The following CFAP65 variants were observed in gnomAD, a reference collection of about 807,000 sequenced individuals.
CFAP65 encodes the protein cilia and flagella associated protein 65.
A neutral mutation model predicts 208.0 loss-of-function variants in CFAP65; 155 were observed. That is an observed-to-expected ratio of 0.75 (90% CI 0.65 to 0.85). The LOEUF is 0.85. Among genes scored for constraint, CFAP65 ranks in the 40% least tolerant of loss-of-function variants. The probability of loss-of-function intolerance (pLI) is 0.00; values close to 1 mark genes in which losing one functional copy is unlikely to be tolerated. For missense variants in CFAP65, 2,294 were observed against 2,451.3 expected, an observed-to-expected ratio of 0.94 and a Z score of 1.36; for synonymous variants, 970 against 986.3, an observed-to-expected ratio of 0.98 and a Z score of 0.31.
rs1338664593 is a variant in CFAP65, at chr2:219,028,324, G to A, written c.1728C>T (p.Leu576=). Residue 576 remains leucine (L), a synonymous_variant, in exon 12 of 35, where the codon CTC becomes CTT. Transcript: ENST00000341552. ...GGGCCAGGTGTGTGCGGTACCAGGT[G>A]AGGTGCTGAGGCTTCAGGATGGCTG... ...TKPAILKPQH[L]TWYRTHLARG... 10 of 1,613,990 alleles carry A rather than the reference G, an allele frequency of 6.2e-6. No homozygotes were observed. Among genetic ancestry groups the A allele is most frequent in the Non-Finnish European group, 8.5e-6 (10 of 1,180,016 alleles).
Position 219,003,902 on chromosome 2 carries a change from C to G in CFAP65, c.5555+50G>C. ...TTGGCATCCCACTGCCTCCTAGGAA[C>G]CTTCTGCACTTCGCCTCCCTCCCGT... is the stretch of plus-strand genomic sequence containing the variant. On this transcript the variant is annotated intron_variant, in intron 33 of 34. Transcript: ENST00000341552. This position sits in a 1 kb window ranked among gnomAD's most constrained non-coding sequence, Gnocchi z 4.4. 6.4e-7 allele frequency: 1 copy of G among 1,568,536 alleles called. No homozygotes were observed. The highest frequency in any genetic ancestry group is 8.7e-7 in the Non-Finnish European group (1 of 1,155,232).
intron 4 of CFAP65, among the ~76,000 whole-genome samples, chr2:219,037,761 A>G (rs1028417096): frequency 1.3e-5 from 2 of 152,186 alleles, no homozygotes; most frequent in African/African-American, 2.4e-5. Flanking sequence ...CATGACCCTC[A>G]GTCCACAGGG....
chr2:219,039,400 C>A (rs1028739386), intron 2 of CFAP65, among the ~76,000 whole-genome samples: 25 of 152,192 alleles, frequency 1.6e-4, no homozygotes, highest in African/African-American at 5.5e-4. Context: ...CAGCAATTTT[C>A]ACACTCACAC....
intron 14 of CFAP65, 55 bp downstream of exon 14, chr2:219,025,967 G>A: frequency 6.5e-7 from 1 of 1,550,290 alleles, no homozygotes; most frequent in Non-Finnish European, 8.7e-7. Flanking sequence ...TGCAGGCCAA[G>A]GCAGAAGCTA....
chr2:219,031,135 T>C lies in CFAP65; in HGVS notation c.986A>G (p.Gln329Arg), dbSNP rs144666250. 5 of 1,600,248 alleles carry C rather than the reference T, an allele frequency of 3.1e-6. No homozygotes were observed. In the African/African-American group the frequency reaches 5.3e-5, roughly 17 times the overall value. The change falls in exon 8 of 35, where the codon CAG (glutamine) becomes CGG (arginine). Residue 329 changes from glutamine (Q) to arginine (R), a missense_variant. Gln to Arg is a conservative substitution (Grantham distance 43). Transcript: ENST00000341552. The surrounding 1 kb of genome is among the most constrained non-coding windows in gnomAD (Gnocchi z 5.2). ...ATCWYGAGSR[Q>R]RSSIQLQAVA... ...AGCCTGCAGCTGGATGCTGCTCCTC[T>C]GCCGGCTGCCCGCCCCGTACCAGCA...
In CFAP65 at chr2:219,016,289, C is replaced by CTTTT. The variant is rs5838714; in HGVS notation, c.3603-2249_3603-2246dup. 1.3e-3 allele frequency among the ~76,000 whole-genome samples: 107 copies of CTTTT among 85,566 alleles called. 1 individual carries two copies. Among genetic ancestry groups the CTTTT allele is most frequent in the Middle Eastern group, 7.7e-3 (1 of 130 alleles). The allele number at this position is 85,566 out of a possible 152,430, so 56.1% of individuals were successfully genotyped here. A position where few individuals can be genotyped will look rare whatever the true frequency, so the allele number is the denominator to read the frequency against. ...CTTCTGCCCTGGTCCAGTCTCCCTC[C>CTTTT]TTTTTTTTTTTTTTTTTTTTTTTTT... On this transcript the variant is annotated intron_variant, in intron 21 of 34. Coordinates refer to ENST00000341552, the MANE Select transcript of CFAP65 (RefSeq NM_194302.4).
chr2:219,029,379 C>T (rs1474077306), intron 11 of CFAP65, 24 bp downstream of exon 11: 7 of 1,603,062 alleles, frequency 4.4e-6, no homozygotes, highest in East Asian at 2.2e-5. Flanking sequence ...CCTCCCTCAG[C>T]CTCATGCCCT....
chr2:219,005,185 C>T (rs547943363), intron 32 of CFAP65, among the ~76,000 whole-genome samples: 3 of 152,110 alleles, frequency 2.0e-5, no homozygotes, highest in Non-Finnish European at 4.4e-5. Flanking sequence ...ACCACCATGT[C>T]CAGCTAATTT....
In CFAP65 at chr2:219,030,109, T is replaced by C; in HGVS notation, c.1261A>G (p.Lys421Glu). ...TGGAAGAACACCGACACACATTTCT[T>C]CTCTCCCGGAAGCACGATGCCATGG... ...TAHGIVLPGEKKCVSVFFHPK... is the reference protein window; with the variant it reads ...TAHGIVLPGEEKCVSVFFHPK... Residue 421 changes from lysine (K) to glutamate (E), a missense_variant, in exon 10 of 35, where the codon AAG (lysine) becomes GAG (glutamate). By Grantham distance (56) the Lys-to-Glu change is moderately conservative. This residue lies in a region of CFAP65 where 867 missense variants were observed against 1,012.6 expected (regional missense o/e 0.86). Transcript: ENST00000341552. 4 of 1,613,998 alleles carry C rather than the reference T, an allele frequency of 2.5e-6. No homozygotes were observed. Among genetic ancestry groups the C allele is most frequent in the Non-Finnish European group, 3.4e-6 (4 of 1,179,964 alleles).
At chr2:219,033,996 T>C (rs911782803) in intron 5 of CFAP65, 1 of 152,108 alleles carries the variant, frequency 6.6e-6, no homozygotes, top group African/African-American at 2.4e-5. Context: ...AACTAAAAAA[T>C]ATGTCATATA....
chr2:219,039,523 C>T (rs926454942), intron 2 of CFAP65, among the ~76,000 whole-genome samples: 2 of 152,178 alleles, frequency 1.3e-5, no homozygotes, highest in African/African-American at 4.8e-5. Flanking sequence ...GACATGAAGC[C>T]ATCATGCATG....
At chr2:219,037,383 T>G (rs12463605) in intron 4 of CFAP65, among the ~76,000 whole-genome samples, 1 of 151,966 alleles carries the variant, frequency 6.6e-6, no homozygotes, top group Non-Finnish European at 1.5e-5. Context: ...CAGTGTGAGA[T>G]TCCGTCTCAA....
chr2:219,006,375 T>C, intron 30 of CFAP65, 90 bp downstream of exon 30: 4 of 1,540,402 alleles, frequency 2.6e-6, no homozygotes, highest in Non-Finnish European at 3.6e-6. Flanking sequence ...TTTCTGGGAG[T>C]CTGGTCCAGG....
Position 219,022,306 on chromosome 2 carries a change from A to G in CFAP65, c.2844T>C (p.Pro948=). The change falls in exon 17 of 35, where the codon CCT becomes CCC. Residue 948 remains proline (P), a synonymous_variant. Coordinates refer to ENST00000341552, the MANE Select transcript of CFAP65 (RefSeq NM_194302.4). ...ERLTLTWTFS[P]LEETKYLFQV... ...GGAACAGGTACTTGGTCTCCTCCAA[A>G]GGGCTGAAGGTCCACGTCAGCGTCT... is the stretch of plus-strand genomic sequence containing the variant. 1 of 1,605,648 alleles carries G rather than the reference A, an allele frequency of 6.2e-7. No individual in the cohort carries two copies. Among genetic ancestry groups the G allele is most frequent in the Non-Finnish European group, 8.5e-7 (1 of 1,176,334 alleles).
At chr2:219,021,994 A>G (rs549460521) in intron 17 of CFAP65, 64 bp from the exon 18 acceptor site, 1 of 1,595,216 alleles carries the variant, frequency 6.3e-7, no homozygotes, top group African/African-American at 1.3e-5. Flanking sequence ...CCACTCTCCC[A>G]GCCCCATTTT....
In CFAP65 at chr2:219,029,460, G is replaced by T. The variant is rs766124553; in HGVS notation, c.1593C>A (p.Phe531Leu). 1.9e-6 allele frequency: 3 copies of T among 1,613,984 alleles called. No individual in the cohort carries two copies. The highest frequency in any genetic ancestry group is 2.5e-6 in the Non-Finnish European group (3 of 1,180,006). Residue 531 changes from phenylalanine to leucine, a missense_variant, in exon 11 of 35, where the codon TTC (phenylalanine) becomes TTA (leucine). Phe to Leu is a conservative substitution (Grantham distance 22). This residue lies in a region of CFAP65 where 867 missense variants were observed against 1,012.6 expected (regional missense o/e 0.86). Coordinates refer to ENST00000341552, the MANE Select transcript of CFAP65 (RefSeq NM_194302.4). ...GKARMTLHCA[F>L]QPTHPIICFR... is the part of the protein sequence containing the mutation. Reference sequence around the variant, plus strand: ...AGCAGATGATGGGGTGAGTGGGCTGGAAGGCACAGTGCAGGGTCATACGGG... The same window carrying T: ...AGCAGATGATGGGGTGAGTGGGCTGTAAGGCACAGTGCAGGGTCATACGGG...
chr2:219,005,962 G>T, intron 31 of CFAP65, 59 bp downstream of exon 31: 1 of 1,540,962 alleles, frequency 6.5e-7, no homozygotes, highest in Non-Finnish European at 8.9e-7. Flanking sequence ...CCCCTGCTCT[G>T]GAGTGGAAGA....
chr2:219,021,152 C>T lies in CFAP65; in HGVS notation c.3259G>A (p.Asp1087Asn). Residue 1087 changes from aspartate to asparagine, a missense_variant and splice_region_variant, in exon 19 of 35, where the codon GAT becomes AAT. This residue lies in a region of CFAP65 where 1,427 missense variants were observed against 1,438.7 expected (regional missense o/e 0.99). Coordinates refer to ENST00000341552, the MANE Select transcript of CFAP65 (RefSeq NM_194302.4). ...TCTCTATGCCAGGCAGTCTAGGTAC[C>T]TCTGTGGGAAAGGAGAGAGTAGGTG... ...TITYSLLSHR[D>N]NKAGEKQELC... is the part of the protein sequence containing the mutation. 5 of 1,555,790 alleles carry T rather than the reference C, an allele frequency of 3.2e-6. No homozygotes were observed. The highest frequency in any genetic ancestry group is 4.4e-6 in the Non-Finnish European group (5 of 1,148,510).
intron 2 of CFAP65, among the ~76,000 whole-genome samples, 175 bp downstream of exon 2, chr2:219,040,344 A>G (rs1216917869): frequency 6.6e-6 from 1 of 151,888 alleles, no homozygotes; most frequent in Admixed American, 6.6e-5. Flanking sequence ...CCCACCACCC[A>G]CCAACACCCT....
Sources: gnomAD v4.1 joint callset for allele counts (sites outside exome capture counted in the v4.1 genomes callset) on GRCh38, gnomAD v4.1.1 for gene constraint, gnomAD v4.1.1 regional missense constraint, Gnocchi (gnomAD v3.1) non-coding constraint, MANE v1.5 for transcripts, NCBI Gene and HGNC (gene_info 2026-07-23, HGNC 2026-07-21) for gene names.